OCA2: variants seen among roughly 807,000 people sequenced by gnomAD.
OCA2 encodes P protein.
In OCA2, 77 loss-of-function variants were observed where a neutral mutation model predicts 100.2. That is an observed-to-expected ratio of 0.77 (90% CI 0.64 to 0.93). The LOEUF is 0.93. Among genes scored for constraint, OCA2 ranks in the 40% least tolerant of loss-of-function variants. The probability of loss-of-function intolerance (pLI) is 0.00; values close to 1 mark genes in which losing one functional copy is unlikely to be tolerated. For synonymous variants in OCA2, 432 were observed against 439.2 expected (o/e 0.98, Z 0.21); for missense variants, 1,062 against 1,089.1 (o/e 0.98, Z 0.35).
chr15:27,832,108 C>A (rs562880294), intron 23 of OCA2, among the ~76,000 whole-genome samples: 4 of 152,320 alleles, frequency 2.6e-5, no homozygotes, highest in African/African-American at 9.6e-5. Flanking sequence ...CGGACTGGAA[C>A]ATACTCAAGA....
chr15:27,742,474 C>T, the OCA2 span, among the ~76,000 whole-genome samples: 2 of 151,978 alleles, frequency 1.3e-5, no homozygotes, highest in Non-Finnish European at 2.9e-5. Flanking sequence ...CACCTCCCAC[C>T]CCAAGAGTCC....
chr15:28,022,631 A>C (rs2042630812), intron 5 of OCA2, 58 bp from the exon 6 acceptor site: 1 of 1,316,184 alleles, frequency 7.6e-7, no homozygotes, highest in African/African-American at 1.4e-5. Flanking sequence ...GTAAGGTATA[A>C]ATCATTTTGA....
chr15:27,831,083 G>A (rs1414814438), intron 23 of OCA2, among the ~76,000 whole-genome samples: 1 of 151,920 alleles, frequency 6.6e-6, no homozygotes, highest in Non-Finnish European at 1.5e-5. Context: ...GTCAGGAGAT[G>A]GAGACCATCC....
In OCA2 at chr15:28,006,151, C is replaced by T. The variant is rs2141158247; in HGVS notation, c.1044+8625G>A. ...GAGAATTCCCAGAACAGGGCTGGCC[C>T]CTCCGCACACGTTAGCTCCGGTGGT... On this transcript the variant is annotated intron_variant, in intron 9 of 23. Coordinates refer to ENST00000354638, the MANE Select transcript of OCA2 (RefSeq NM_000275.3). 2.6e-5 allele frequency among the ~76,000 whole-genome samples: 4 copies of T among 152,268 alleles called. 1 individual carries two copies. The Middle Eastern group carries it at 0.014, about 518-fold the overall frequency.
At chr15:27,753,490 T>C (rs935505885), downstream of OCA2, among the ~76,000 whole-genome samples, 14 of 151,968 alleles carry the variant, frequency 9.2e-5, no homozygotes, top group African/African-American at 3.1e-4. Flanking sequence ...TTCCAGCACT[T>C]TGGGAGGCCG....
At chr15:28,082,319 C>G (rs761123682) in intron 1 of OCA2, among the ~76,000 whole-genome samples, 10 of 152,198 alleles carry the variant, frequency 6.6e-5, no homozygotes, top group Non-Finnish European at 1.2e-4. Context: ...CCCTACTAAT[C>G]TGTGGATACT....
chr15:28,038,317 G>A (rs1372272146), intron 2 of OCA2, among the ~76,000 whole-genome samples: 2 of 152,186 alleles, frequency 1.3e-5, no homozygotes, highest in African/African-American at 2.4e-5. Context: ...GCTCTCATGG[G>A]CAATTTTTCA....
intron 19 of OCA2, among the ~76,000 whole-genome samples, chr15:27,875,109 CA>C (rs1418554716): frequency 6.6e-6 from 1 of 151,670 alleles, no homozygotes; most frequent in Non-Finnish European, 1.5e-5. Context: ...AGAGAGTCAC[CA>C]AAAACAACAA....
At chr15:27,849,266 G>A (rs1213658634) in intron 22 of OCA2, among the ~76,000 whole-genome samples, 1 of 151,994 alleles carries the variant, frequency 6.6e-6, no homozygotes, top group Non-Finnish European at 1.5e-5. Context: ...TGCCTGAGTT[G>A]TTGAGAAAAT....
chr15:27,904,232 C>A (rs1327553369), intron 19 of OCA2, among the ~76,000 whole-genome samples: 2 of 152,184 alleles, frequency 1.3e-5, no homozygotes, highest in African/African-American at 4.8e-5. Flanking sequence ...TCCACCCGAC[C>A]CAGCCCCAGG....
intron 23 of OCA2, among the ~76,000 whole-genome samples, chr15:27,758,059 C>T (rs2030529216): frequency 6.6e-6 from 1 of 152,124 alleles, no homozygotes; most frequent in East Asian, 1.9e-4. Flanking sequence ...GAGCTAAAAG[C>T]TTGGCATTTT....
intron 19 of OCA2, among the ~76,000 whole-genome samples, chr15:27,900,909 C>T (rs1017963122): frequency 3.9e-5 from 6 of 152,174 alleles, no homozygotes; most frequent in Non-Finnish European, 8.8e-5. Flanking sequence ...ATAAAAACCA[C>T]GTATCTGAAG....
At chr15:27,778,092 C>A (rs750217878) in intron 23 of OCA2, among the ~76,000 whole-genome samples, 2 of 152,134 alleles carry the variant, frequency 1.3e-5, no homozygotes, top group Non-Finnish European at 2.9e-5. Context: ...ATTAAATTGA[C>A]CCTATTTTAG....
At chr15:28,061,290 C>A (rs533830869) in intron 2 of OCA2, among the ~76,000 whole-genome samples, 1 of 152,120 alleles carries the variant, frequency 6.6e-6, no homozygotes, top group African/African-American at 2.4e-5. Flanking sequence ...TTAATGGTCC[C>A]AGCCCTTATT....
chr15:27,933,346 A>G (rs904165137), intron 18 of OCA2, among the ~76,000 whole-genome samples: 1 of 139,860 alleles, frequency 7.2e-6, no homozygotes, highest in South Asian at 2.7e-4. Context: ...GACAGAAGGT[A>G]GATTAAGAGA....
downstream of OCA2, among the ~76,000 whole-genome samples, chr15:27,751,078 CA>C (rs2030050606): frequency 6.6e-6 from 1 of 152,174 alleles, no homozygotes; most frequent in East Asian, 1.9e-4. Flanking sequence ...GGCCATTTAC[CA>C]GGTGACTTTT....
chr15:28,050,933 C>G (rs2043492734), intron 2 of OCA2, among the ~76,000 whole-genome samples: 1 of 152,190 alleles, frequency 6.6e-6, no homozygotes, highest in Non-Finnish European at 1.5e-5. Flanking sequence ...CTGCAGCACC[C>G]CTCCTCTGCC....
At chr15:27,796,104 G>C (rs1478867873) in intron 23 of OCA2, among the ~76,000 whole-genome samples, 1 of 152,240 alleles carries the variant, frequency 6.6e-6, no homozygotes, top group Non-Finnish European at 1.5e-5. Flanking sequence ...GCCATCCACG[G>C]TTCTAGCAGG....
At chr15:27,724,614 A>G in the OCA2 span, among the ~76,000 whole-genome samples, 132,906 of 152,074 alleles carry the variant, frequency 0.87, 58,487 homozygotes, top group Middle Eastern at 0.96. Flanking sequence ...TGTTGCTGGC[A>G]GTATTACTGC....
Sources: gnomAD v4.1 joint callset for allele counts (sites outside exome capture counted in the v4.1 genomes callset) on GRCh38, gnomAD v4.1.1 for gene constraint, MANE v1.5 for transcripts, NCBI Gene and HGNC (gene_info 2026-07-23, HGNC 2026-07-21) for gene names.